The following SIGLECL1 variants were observed in gnomAD, a reference collection of about 807,000 sequenced individuals.
SIGLECL1 encodes the protein SIGLEC family like 1, also known as SIGLEC family-like protein 1.
SIGLECL1 carries 16 observed loss-of-function variants against 19.1 expected under a neutral mutation model. The observed-to-expected ratio is 0.84, with a 90% CI of 0.57 to 1.27. SIGLECL1 has a LOEUF of 1.27. Ranked by LOEUF, SIGLECL1 falls within the 50% of genes most tolerant of loss-of-function variation. The probability of loss-of-function intolerance (pLI) is 0.00; values close to 1 mark genes in which losing one functional copy is unlikely to be tolerated. For synonymous variants in SIGLECL1, 89 were observed against 90.4 expected (o/e 0.98, Z 0.09); for missense variants, 210 against 239.4 (o/e 0.88, Z 0.81).
upstream of SIGLECL1, among the ~76,000 whole-genome samples, chr19:51,248,964 C>T (rs998204293): frequency 1.2e-4 from 18 of 152,146 alleles, no homozygotes; most frequent in African/African-American, 4.1e-4. Context: ...AGCCTAATGG[C>T]TTCCCAGTTA....
chr19:51,257,163 T>G (rs1476028752), intron 1 of SIGLECL1, among the ~76,000 whole-genome samples: 1 of 152,042 alleles, frequency 6.6e-6, no homozygotes, highest in African/African-American at 2.4e-5. Flanking sequence ...TCCTAGCACT[T>G]TAGGAAGCCC....
intron 1 of SIGLECL1, chr19:51,255,784 A>G (rs1982765930): frequency 6.6e-6 from 1 of 152,262 alleles, no homozygotes; most frequent in South Asian, 2.1e-4. Context: ...GGCAAAAGAT[A>G]GCAAGTGTTG....
At chr19:51,247,609 G>A (rs945902549), upstream of SIGLECL1, among the ~76,000 whole-genome samples, 4 of 152,098 alleles carry the variant, frequency 2.6e-5, no homozygotes, top group Admixed American at 6.5e-5. Flanking sequence ...AGTAGAGACG[G>A]GGTTTCACCT....
At chr19:51,259,631 C>A (rs796886824) in intron 1 of SIGLECL1, among the ~76,000 whole-genome samples, 2 of 152,306 alleles carry the variant, frequency 1.3e-5, no homozygotes, top group African/African-American at 4.8e-5. Flanking sequence ...TCTGCCCCAT[C>A]ATTGAAGGAT....
upstream of SIGLECL1, among the ~76,000 whole-genome samples, chr19:51,248,252 G>T (rs1412582024): frequency 1.3e-5 from 2 of 152,162 alleles, no homozygotes; most frequent in Non-Finnish European, 2.9e-5. Context: ...GAAGATTAGG[G>T]TGGGGTTACC....
At chr19:51,262,322 T>C (rs937127769) in intron 1 of SIGLECL1, among the ~76,000 whole-genome samples, 1 of 152,200 alleles carries the variant, frequency 6.6e-6, no homozygotes, top group African/African-American at 2.4e-5. Flanking sequence ...CTAGTCTGAA[T>C]TGAAGTGTGC....
intron 1 of SIGLECL1, among the ~76,000 whole-genome samples, chr19:51,251,869 A>C (rs1470451951): frequency 6.6e-6 from 1 of 152,196 alleles, no homozygotes; most frequent in Non-Finnish European, 1.5e-5. Context: ...ACACCTTTGC[A>C]TCACTCACAC....
At chr19:51,268,004 G>T (rs1409472250) in intron 5 of SIGLECL1, among the ~76,000 whole-genome samples, 1 of 152,128 alleles carries the variant, frequency 6.6e-6, no homozygotes, top group Non-Finnish European at 1.5e-5. Context: ...AGTGTCCGAG[G>T]TTGCTATGCC....
chr19:51,267,407 G>A lies in SIGLECL1; in HGVS notation c.445G>A (p.Ala149Thr). Reference sequence around the variant, plus strand: ...TATCAGAAAGAAGCAGGCGAAGAAAGCTGCAGCGATCAGAGCAAAAAAGAG... The same window carrying A: ...TATCAGAAAGAAGCAGGCGAAGAAAACTGCAGCGATCAGAGCAAAAAAGAG... ...KHIRKKQAKK[A>T]AAIRAKKSSK... Residue 149 changes from alanine (A) to threonine (T), a missense_variant, in exon 5 of 6, where the codon GCT (alanine) becomes ACT (threonine). Ala to Thr is a moderately conservative substitution (Grantham distance 58). Coordinates refer to ENST00000601727, the MANE Select transcript of SIGLECL1 (RefSeq NM_001385465.1). The A allele has an allele frequency of 6.2e-7, 1 of 1,613,848 alleles. No homozygotes were observed. The highest frequency in any genetic ancestry group is 8.5e-7 in the Non-Finnish European group (1 of 1,180,034).
chr19:51,256,664 T>C (rs542321865), intron 1 of SIGLECL1, among the ~76,000 whole-genome samples: 2 of 152,206 alleles, frequency 1.3e-5, no homozygotes, highest in Admixed American at 6.5e-5. Context: ...ATATTAAGTG[T>C]TCTCACCACC....
intron 1 of SIGLECL1, among the ~76,000 whole-genome samples, chr19:51,263,178 C>T (rs988062148): frequency 6.6e-6 from 1 of 152,132 alleles, no homozygotes; most frequent in African/African-American, 2.4e-5. Flanking sequence ...TTTTTTGAGA[C>T]AGGGTCTCGT....
At position 51,268,681 on chromosome 19, in the gene SIGLECL1, C is replaced by A; in HGVS notation, c.*84C>A. ...GCAAAATTTATAGCGCTCACAGAAA[C>A]CCTGGAGGCTGTAATAAACCTGGAG... is the stretch of plus-strand genomic sequence containing the variant. On this transcript the variant is annotated 3_prime_UTR_variant, in exon 6 of 6. Coordinates refer to ENST00000601727, the MANE Select transcript of SIGLECL1 (RefSeq NM_001385465.1). 3 of 1,413,572 alleles carry A rather than the reference C, an allele frequency of 2.1e-6. No homozygotes were observed. Among genetic ancestry groups the A allele is most frequent in the Non-Finnish European group, 2.9e-6 (3 of 1,022,794 alleles). 87.6% of individuals were successfully genotyped at this position (1,413,572 alleles called of 1,614,324 possible).
At chr19:51,248,885 G>GTTTGA, upstream of SIGLECL1, among the ~76,000 whole-genome samples, 1 of 152,234 alleles carries the variant, frequency 6.6e-6, no homozygotes, top group Admixed American at 6.5e-5. Flanking sequence ...ATTTTTCTAG[G>GTTTGA]ATATGACCAT....
At chr19:51,258,865 C>T (rs2123410674) in intron 1 of SIGLECL1, among the ~76,000 whole-genome samples, 1 of 152,200 alleles carries the variant, frequency 6.6e-6, no homozygotes, top group Non-Finnish European at 1.5e-5. Flanking sequence ...CCTAGACTTG[C>T]CCTCCAGTGT....
At chr19:51,249,365 T>G (rs544336314), upstream of SIGLECL1, among the ~76,000 whole-genome samples, 1 of 151,790 alleles carries the variant, frequency 6.6e-6, no homozygotes, top group African/African-American at 2.4e-5. Flanking sequence ...CAAAGTCAGG[T>G]CCCCTCTCGG....
At chr19:51,256,381 C>T (rs1982811247) in intron 1 of SIGLECL1, among the ~76,000 whole-genome samples, 1 of 152,154 alleles carries the variant, frequency 6.6e-6, no homozygotes, top group African/African-American at 2.4e-5. Flanking sequence ...CGTAAATAAA[C>T]CTGAAAGACA....
At chr19:51,263,835 C>T (rs1236501394) in intron 1 of SIGLECL1, 48 bp from the exon 2 acceptor site, 6 of 449,418 alleles carry the variant, frequency 1.3e-5, no homozygotes, top group East Asian at 3.9e-5. Context: ...CCTCCCTGTC[C>T]GTACGTGCTC....
upstream of SIGLECL1, among the ~76,000 whole-genome samples, chr19:51,248,032 C>G (rs1037714368): frequency 2.6e-5 from 4 of 152,124 alleles, no homozygotes; most frequent in Non-Finnish European, 4.4e-5. Context: ...CATGGGAGTC[C>G]TTGGTAAGGC....
At chr19:51,247,126 G>A (rs568621828), upstream of SIGLECL1, among the ~76,000 whole-genome samples, 6 of 152,080 alleles carry the variant, frequency 3.9e-5, no homozygotes, top group South Asian at 1.2e-3. Context: ...TCTTGTCATT[G>A]GGCTAAGAGA....
Sources: allele counts gnomAD v4.1 joint callset (sites outside exome capture counted in the v4.1 genomes callset), GRCh38; gene constraint gnomAD v4.1.1; transcripts MANE v1.5; gene names NCBI Gene and HGNC (gene_info 2026-07-23, HGNC 2026-07-21).